The following FAM81B variants were observed in gnomAD, a reference collection of about 807,000 sequenced individuals.
FAM81B encodes protein FAM81B.
A neutral mutation model predicts 58.7 loss-of-function variants in FAM81B; 60 were observed. That is an observed-to-expected ratio of 1.02 (90% CI 0.83 to 1.27). FAM81B has a LOEUF of 1.27. FAM81B is among the 50% of genes most tolerant of loss of function. The pLI is 0.00. For synonymous variants in FAM81B, 189 were observed against 179.6 expected, an observed-to-expected ratio of 1.05 and a Z score of -0.42; for missense variants, 491 against 522.0, an observed-to-expected ratio of 0.94 and a Z score of 0.58.
At chr5:95,413,232 T>C (rs1762450263) in intron 3 of FAM81B, among the ~76,000 whole-genome samples, 1 of 152,170 alleles carries the variant, frequency 6.6e-6, no homozygotes, top group African/African-American at 2.4e-5. Context: ...GAATAGATCT[T>C]TCTCACGTTG....
At chr5:95,411,744 T>C (rs904178541) in intron 3 of FAM81B, among the ~76,000 whole-genome samples, 5 of 152,162 alleles carry the variant, frequency 3.3e-5, no homozygotes, top group African/African-American at 1.2e-4. Context: ...ACAAATGCAG[T>C]TGTACAAAAA....
At chr5:95,446,957 A>T (rs1163341454) in intron 8 of FAM81B, among the ~76,000 whole-genome samples, 1 of 151,016 alleles carries the variant, frequency 6.6e-6, no homozygotes, top group East Asian at 1.9e-4. Context: ...TTTTTAAAAA[A>T]AAAAAAATAG....
At chr5:95,424,235 G>GTC in intron 5 of FAM81B, 1 of 1,287,594 alleles carries the variant, frequency 7.8e-7, no homozygotes, top group Non-Finnish European at 1.0e-6. Flanking sequence ...TTAGAATGCA[G>GTC]TCATGCATAT....
chr5:95,441,150 CA>C (rs1164333013), intron 7 of FAM81B, among the ~76,000 whole-genome samples: 1 of 152,152 alleles, frequency 6.6e-6, no homozygotes, highest in Non-Finnish European at 1.5e-5. Flanking sequence ...GACAGGTTGT[CA>C]AAATGATACC....
intron 4 of FAM81B, among the ~76,000 whole-genome samples, chr5:95,419,128 A>T (rs1296732804): frequency 6.6e-6 from 1 of 152,178 alleles, no homozygotes; most frequent in Non-Finnish European, 1.5e-5. Flanking sequence ...CATACATGCA[A>T]AAAGATAAAA....
At chr5:95,403,814 A>G (rs1428777338) in intron 3 of FAM81B, among the ~76,000 whole-genome samples, 2 of 152,182 alleles carry the variant, frequency 1.3e-5, no homozygotes, top group Non-Finnish European at 2.9e-5. Flanking sequence ...TTTGCATCTC[A>G]TGGGCCAGAA....
chr5:95,439,817 A>G (rs1283976658), intron 7 of FAM81B, among the ~76,000 whole-genome samples: 1 of 152,200 alleles, frequency 6.6e-6, no homozygotes, highest in East Asian at 1.9e-4. Flanking sequence ...ACTTTCTCTG[A>G]ATAAAGAGAT....
At chr5:95,408,848 C>T (rs1054136250) in intron 3 of FAM81B, among the ~76,000 whole-genome samples, 2 of 152,126 alleles carry the variant, frequency 1.3e-5, no homozygotes, top group Non-Finnish European at 2.9e-5. Context: ...TGTATGGACA[C>T]GGTGGTAATG....
chr5:95,392,711 C>A, intron 1 of FAM81B, 83 bp from the exon 2 acceptor site: 1 of 1,097,082 alleles, frequency 9.1e-7, no homozygotes, highest in Non-Finnish European at 1.3e-6. Flanking sequence ...ACAGAAACTG[C>A]CCTCAATTAA....
chr5:95,443,796 A>G (rs1314306904), intron 7 of FAM81B, among the ~76,000 whole-genome samples: 1 of 152,238 alleles, frequency 6.6e-6, no homozygotes, highest in Non-Finnish European at 1.5e-5. Context: ...AAATCTTGTA[A>G]TAAAAGGATA....
chr5:95,418,208 A>G (rs1048216202), intron 4 of FAM81B, among the ~76,000 whole-genome samples: 1 of 152,208 alleles, frequency 6.6e-6, no homozygotes, highest in Non-Finnish European at 1.5e-5. Context: ...TTAGTCACTC[A>G]GTAGCCTGTT....
rs1174161899 is a variant in FAM81B, at chr5:95,391,429, A to G, written c.40A>G (p.Lys14Glu). The change falls in exon 1 of 10, where the codon AAA (lysine) becomes GAA (glutamate). Residue 14 changes from lysine (K) to glutamate (E), a missense_variant. Lys to Glu is a moderately conservative substitution (Grantham distance 56, BLOSUM62 1). Transcript: ENST00000283357. Reference sequence around the variant, plus strand: ...CCTTGGTACATTGGCTTCCTCAGAAAAAAGAAAAAAATCACAGAGATTGTT... The same window carrying G: ...CCTTGGTACATTGGCTTCCTCAGAAGAAAGAAAAAAATCACAGAGATTGTT... ...QFLGTLASSE[K>E]RKKSQRLFFK... is the part of the protein sequence containing the mutation. The G allele has an allele frequency of 8.1e-6, 13 of 1,613,694 alleles. No individual in the cohort carries two copies. Among genetic ancestry groups the G allele is most frequent in the African/African-American group, 1.3e-5 (1 of 74,900 alleles).
chr5:95,427,131 T>TTTTA (rs1171941379), intron 5 of FAM81B, among the ~76,000 whole-genome samples: 4 of 152,096 alleles, frequency 2.6e-5, no homozygotes. Flanking sequence ...GAAACCACAT[T>TTTTA]TTTAACCAGT....
In FAM81B at chr5:95,433,899, C is replaced by T. The variant is rs140400863; in HGVS notation, c.787-2901C>T. On this transcript the variant is annotated intron_variant, in intron 6 of 9. Transcript: ENST00000283357. The stretch of plus-strand genomic sequence containing the variant: ...TTATTTGGCTTACAGATATTCATAA[C>T]TACTCTTTTTTCTTTCTTAATTTTA... Among the ~76,000 whole-genome samples, 14 of 152,274 alleles carry T rather than the reference C, an allele frequency of 9.2e-5. No individual in the cohort carries two copies. In the East Asian group the frequency reaches 2.7e-3, roughly 29 times the overall value.
chr5:95,392,696 T>A (rs1028762392), intron 1 of FAM81B, 98 bp from the exon 2 acceptor site: 2 of 905,544 alleles, frequency 2.2e-6, no homozygotes, highest in African/African-American at 1.7e-5. Context: ...AGCCAAGCTA[T>A]ATGTACAGAA....
At chr5:95,428,342 T>C (rs1014302873) in intron 5 of FAM81B, among the ~76,000 whole-genome samples, 6 of 152,204 alleles carry the variant, frequency 3.9e-5, no homozygotes, top group African/African-American at 1.4e-4. Flanking sequence ...AAAAATTCCC[T>C]CAATTTACCA....
intron 3 of FAM81B, among the ~76,000 whole-genome samples, chr5:95,405,516 C>G (rs1486650868): frequency 6.6e-6 from 1 of 151,938 alleles, no homozygotes; most frequent in Non-Finnish European, 1.5e-5. Context: ...CTTCTGTTGT[C>G]TTCTCTCTTA....
intron 3 of FAM81B, among the ~76,000 whole-genome samples, chr5:95,409,678 G>A (rs1468497021): frequency 6.6e-6 from 1 of 151,976 alleles, no homozygotes; most frequent in Non-Finnish European, 1.5e-5. Flanking sequence ...GACCTTCACT[G>A]GGCAGTTGAA....
chr5:95,436,741 A>G (rs1338367566), intron 6 of FAM81B, 59 bp from the exon 7 acceptor site: 1 of 1,077,776 alleles, frequency 9.3e-7, no homozygotes, highest in Admixed American at 1.7e-5. Flanking sequence ...AATAAAGTAT[A>G]TTAATGTGAA....
Sources: allele counts gnomAD v4.1 joint callset (sites outside exome capture counted in the v4.1 genomes callset), GRCh38; gene constraint gnomAD v4.1.1; transcripts MANE v1.5; gene names NCBI Gene and HGNC (gene_info 2026-07-23, HGNC 2026-07-21).